The following DIP2A variants were observed in gnomAD, a reference collection of about 807,000 sequenced individuals.
DIP2A encodes the protein disco-interacting protein 2 homolog A.
Under a neutral mutation model 177.4 loss-of-function variants are expected in DIP2A, and 85 were observed. That is an observed-to-expected ratio of 0.48 (90% CI 0.40 to 0.57). DIP2A has a LOEUF of 0.57. Among genes scored for constraint, DIP2A ranks in the 20% least tolerant of loss-of-function variants. The pLI is 0.00. For missense variants in DIP2A, 1,791 were observed against 2,100.2 expected (o/e 0.85, Z 2.88); for synonymous variants, 886 against 881.8 (o/e 1.00, Z -0.08).
chr21:46,550,584 C>T lies in DIP2A; in HGVS notation c.2679C>T (p.Ala893=). Reference sequence around the variant, plus strand: ...ACCAGGTGGGCGTGTACTGTCTGGCCCTGGTTCCTGCCAACACCTTGCCCA... The same window carrying T: ...ACCAGGTGGGCGTGTACTGTCTGGCTCTGGTTCCTGCCAACACCTTGCCCA... ...SIHQVGVYCL[A]LVPANTLPKA... The change falls in exon 23 of 38, where the codon GCC becomes GCT. Residue 893 remains alanine, a synonymous_variant. Coordinates refer to ENST00000417564, the MANE Select transcript of DIP2A (RefSeq NM_015151.4). 2 of 1,613,720 alleles carry T rather than the reference C, an allele frequency of 1.2e-6. No homozygotes were observed. Among genetic ancestry groups the T allele is most frequent in the African/African-American group, 1.3e-5 (1 of 75,006 alleles).
chr21:46,577,924 G>A, the DIP2A span, among the ~76,000 whole-genome samples: 3 of 152,142 alleles, frequency 2.0e-5, no homozygotes, highest in East Asian at 1.9e-4. Flanking sequence ...TTAAGATTTG[G>A]CACTCTGCCT....
chr21:46,549,814 G>A lies in DIP2A; in HGVS notation c.2566G>A (p.Val856Ile). The change falls in exon 22 of 38, where the codon GTC becomes ATC. Residue 856 changes from valine (V) to isoleucine (I), a missense_variant. Physicochemically the swap from Val to Ile is conservative, Grantham distance 29. Transcript: ENST00000417564. ...GACCGTGCTGCACGACGACCGGATT[G>A]TCCTGGTGGCTGAGCAGCGGCCGGA... ...SVTVLHDDRIVLVAEQRPDAS... is the reference protein window; with the variant it reads ...SVTVLHDDRIILVAEQRPDAS... 6.2e-7 allele frequency: 1 copy of A among 1,613,604 alleles called. No homozygotes were observed. The highest frequency in any genetic ancestry group is 8.5e-7 in the Non-Finnish European group (1 of 1,180,018).
intron 1 of DIP2A, among the ~76,000 whole-genome samples, chr21:46,478,403 G>T (rs765578428): frequency 1.3e-5 from 2 of 151,926 alleles, no homozygotes; most frequent in Non-Finnish European, 2.9e-5. Context: ...GTAGAGATAG[G>T]GTTTCTCCAT....
Position 46,550,682 on chromosome 21 carries a change from A to G in DIP2A, c.2777A>G (p.Asn926Ser). The G allele has an allele frequency of 6.2e-7, 1 of 1,613,990 alleles. No homozygotes were observed. Among genetic ancestry groups the G allele is most frequent in the Non-Finnish European group, 8.5e-7 (1 of 1,179,890 alleles). ...RFLEGTLHPC[N>S]VLMCPHTCVT... ...CTGGAAGGGACGCTGCACCCGTGTAATGTGCTGATGTGCCCTCACACCTGT... is the reference window on the plus strand; with the variant it reads ...CTGGAAGGGACGCTGCACCCGTGTAGTGTGCTGATGTGCCCTCACACCTGT... Residue 926 changes from asparagine (N) to serine (S), a missense_variant, in exon 23 of 38, where the codon AAT becomes AGT. Asn to Ser is a conservative substitution (Grantham distance 46). Coordinates refer to ENST00000417564, the MANE Select transcript of DIP2A (RefSeq NM_015151.4).
rs769231223 is a variant in DIP2A, at chr21:46,544,975, T to G, written c.2177-162T>G. ...CATATAAAATATAAAGACTTACAGC[T>G]AGGTAGCATGTGTATCATCTGTGTC... On this transcript the variant is annotated intron_variant, in intron 18 of 37. Transcript: ENST00000417564. Among the ~76,000 whole-genome samples, 57 of 152,312 alleles carry G rather than the reference T, an allele frequency of 3.7e-4. 1 individual carries two copies. Among genetic ancestry groups the G allele is most frequent in the Admixed American group, 1.9e-3 (29 of 15,300 alleles).
rs773060964 is a variant in DIP2A at position 46,490,628 on chromosome 21, T to C, written c.192T>C (p.Asn64=). The part of the protein sequence containing the change: ...QGIDPSLQAE[N]RIPGPSQTTA... ...TAGACCCATCTCTGCAAGCAGAGAATAGAATTCCTGGGCCCTCACAAACCA... is the reference window on the plus strand; with the variant it reads ...TAGACCCATCTCTGCAAGCAGAGAACAGAATTCCTGGGCCCTCACAAACCA... The change falls in exon 3 of 38, where the codon AAT becomes AAC. Residue 64 remains asparagine (N), a synonymous_variant. Transcript: ENST00000417564. 5.1e-6 allele frequency: 8 copies of C among 1,579,702 alleles called. No homozygotes were observed. The East Asian group carries it at 7.0e-5, about 14-fold the overall frequency.
chr21:46,554,466 C>A, intron 26 of DIP2A, 109 bp from the exon 27 acceptor site: 1 of 1,541,898 alleles, frequency 6.5e-7, no homozygotes, highest in Non-Finnish European at 8.8e-7. Context: ...CAGGAGTCAC[C>A]CATGCCCCCC....
chr21:46,554,283 T>TGGTGAGCCATGTG lies in DIP2A; in HGVS notation c.3145_3146insGGTGAGCCATGTG (p.Tyr1049TrpfsTer2). On this transcript the variant is annotated stop_gained and frameshift_variant, in exon 26 of 38. Transcript: ENST00000417564. LOFTEE classifies it high-confidence loss of function. Reference sequence around the variant, plus strand: ...TGTTGGGGACCATGTGGCTCTGGTCTACCCACCAGGTGGGCTCACTGTGGG... The same window carrying TGGTGAGCCATGTG: ...TGTTGGGGACCATGTGGCTCTGGTCTGGTGAGCCATGTGACCCACCAGGTGGGCTCACTGTGGG... 6.2e-7 allele frequency: 1 copy of TGGTGAGCCATGTG among 1,613,896 alleles called. No homozygotes were observed. The highest frequency in any genetic ancestry group is 8.5e-7 in the Non-Finnish European group (1 of 1,179,814).
chr21:46,553,959 T>G, intron 25 of DIP2A: 2 of 472,236 alleles, frequency 4.2e-6, no homozygotes, highest in Non-Finnish European at 7.1e-6. Context: ...AGGTCAGGAG[T>G]TCGAGACCAG....
In DIP2A at chr21:46,505,244, A is replaced by G. The variant is rs546188577; in HGVS notation, c.784+755A>G. Among the ~76,000 whole-genome samples, 176 of 152,182 alleles carry G rather than the reference A, an allele frequency of 1.2e-3. 1 individual carries two copies. The highest frequency in any genetic ancestry group is 4.0e-3 in the African/African-American group (167 of 41,504). Reference sequence around the variant, plus strand: ...AGACATGTATTTAATTCAATTTATTACTCTTTATATTTAAAAAAATTAAGA... The same window carrying G: ...AGACATGTATTTAATTCAATTTATTGCTCTTTATATTTAAAAAAATTAAGA... On this transcript the variant is annotated intron_variant, in intron 6 of 37. Transcript: ENST00000417564.
rs112042379 is a variant in DIP2A at position 46,550,827 on chromosome 21, A to G, written c.2839+83A>G. 1.3e-4 allele frequency: 178 copies of G among 1,393,826 alleles called. No homozygotes were observed. In the African/African-American group the frequency reaches 2.0e-3, roughly 15 times the overall value. The allele number at this position is 1,393,826 out of a possible 1,614,324, so 86.3% of individuals were successfully genotyped here. On this transcript the variant is annotated intron_variant, in intron 23 of 37. Transcript: ENST00000417564. ...TGTGGTTAGGGTGCGGCCCTGCTAG[A>G]CCTCCAGTGCCAACTGCCCACGTCT...
intron 25 of DIP2A, 46 bp downstream of exon 25, chr21:46,551,950 G>A (rs537792682): frequency 2.1e-5 from 32 of 1,541,650 alleles, no homozygotes; most frequent in Middle Eastern, 1.8e-4. Flanking sequence ...CCTGTGGGCC[G>A]GTGGAGCCCT....
chr21:46,534,436 T>C, intron 12 of DIP2A, 149 bp from the exon 13 acceptor site: 1 of 774,782 alleles, frequency 1.3e-6, no homozygotes, highest in Non-Finnish European at 2.1e-6. Flanking sequence ...GGCCAGGGTT[T>C]TGCCATGTAC....
rs2060237124 is a variant in DIP2A at position 46,550,638 on chromosome 21, T to C, written c.2733T>C (p.Ser911=). The C allele has an allele frequency of 6.2e-7, 1 of 1,613,992 alleles. No homozygotes were observed. The change falls in exon 23 of 38, where the codon TCT becomes TCC. Residue 911 remains serine, a synonymous_variant. Transcript: ENST00000417564. ...PKAPLGGIHI[S]ETKQRFLEGT... is the part of the protein sequence containing the mutation. The stretch of plus-strand genomic sequence containing the variant: ...CTCCTCTCGGAGGGATTCACATTTC[T>C]GAAACCAAACAGCGCTTTCTGGAAG...
intron 1 of DIP2A, 130 bp downstream of exon 1, chr21:46,459,352 G>T: frequency 1.7e-6 from 1 of 596,618 alleles, no homozygotes; most frequent in Non-Finnish European, 2.4e-6. Context: ...GGACCCCCAC[G>T]CGGCCTCGCC....
At position 46,549,763 on chromosome 21, in the gene DIP2A, T is replaced by C; in HGVS notation, c.2523-8T>C. 6.2e-7 allele frequency: 1 copy of C among 1,613,520 alleles called. No homozygotes were observed. Among genetic ancestry groups the C allele is most frequent in the African/African-American group, 1.3e-5 (1 of 75,062 alleles). On this transcript the variant is annotated splice_polypyrimidine_tract_variant and splice_region_variant and intron_variant, in intron 21 of 37. Coordinates refer to ENST00000417564, the MANE Select transcript of DIP2A (RefSeq NM_015151.4). ...GCCGTGTGGCCATTTCCATGTCTCA[T>C]CCCGCAGGATCGCTGTGTTCTCTGT...
rs1196803806 is a variant in DIP2A at position 46,503,603 on chromosome 21, CCTTCCTTCCTTTCTTTCTTT to C, written c.656-754_656-735del. On this transcript the variant is annotated intron_variant, in intron 5 of 37. Transcript: ENST00000417564. ...TCCTTCCTTCCTTCCTTCCTTCCTT[CCTTCCTTCCTTTCTTTCTTT>C]CTTTCTTTCTTTCCTTTCTTTCTTT... Among the ~76,000 whole-genome samples, 178 of 112,010 alleles carry C rather than the reference CCTTCCTTCCTTTCTTTCTTT, an allele frequency of 1.6e-3. 1 individual carries two copies. The highest frequency in any genetic ancestry group is 5.9e-3 in the African/African-American group (150 of 25,250). The allele number at this position is 112,010 out of a possible 152,430, so 73.5% of individuals were successfully genotyped here.
chr21:46,582,449 G>C, the DIP2A span, among the ~76,000 whole-genome samples: 1 of 152,158 alleles, frequency 6.6e-6, no homozygotes, highest in Non-Finnish European at 1.5e-5. Flanking sequence ...CTGGTGGTTT[G>C]GGCTCATGAG....
chr21:46,542,273 T>G (rs2839315), intron 18 of DIP2A, among the ~76,000 whole-genome samples: 16,367 of 152,262 alleles, frequency 0.11, 1,277 homozygotes, highest in African/African-American at 0.21. Context: ...TTACAGTTCT[T>G]TGATATTTGG....
Sources: gnomAD v4.1 joint callset for allele counts (sites outside exome capture counted in the v4.1 genomes callset) on GRCh38, gnomAD v4.1.1 for gene constraint, MANE v1.5 for transcripts, NCBI Gene and HGNC (gene_info 2026-07-23, HGNC 2026-07-21) for gene names.